The following UTRN variants were observed in gnomAD, a reference collection of about 807,000 sequenced individuals.
UTRN encodes dystrophin-related protein 1.
A neutral mutation model predicts 463.9 loss-of-function variants in UTRN; 283 were observed. That is an observed-to-expected ratio of 0.61 (90% CI 0.55 to 0.67). UTRN has a LOEUF of 0.67. Among genes scored for constraint, UTRN ranks in the 30% least tolerant of loss-of-function variants. The pLI, the probability that UTRN is intolerant of heterozygous loss-of-function variation, is 0.00. For missense variants in UTRN, 3,922 were observed against 4,084.3 expected, an observed-to-expected ratio of 0.96 and a Z score of 1.08; for synonymous variants, 1,442 against 1,431.5, an observed-to-expected ratio of 1.01 and a Z score of -0.17.
chr6:144,750,249 CTCT>C (rs1330024306), intron 55 of UTRN, among the ~76,000 whole-genome samples: 3 of 149,494 alleles, frequency 2.0e-5, no homozygotes, highest in Admixed American at 6.7e-5. Flanking sequence ...CATACAACTG[CTCT>C]TCTTATTTAA....
intron 51 of UTRN, among the ~76,000 whole-genome samples, chr6:144,621,519 C>T (rs1341815876): frequency 6.6e-6 from 1 of 152,122 alleles, no homozygotes; most frequent in East Asian, 1.9e-4. Flanking sequence ...GCTCCCATAG[C>T]ACTTATCTCG....
At chr6:144,298,753 T>C (rs546776895) in intron 2 of UTRN, among the ~76,000 whole-genome samples, 3 of 152,294 alleles carry the variant, frequency 2.0e-5, no homozygotes, top group Admixed American at 2.0e-4. Context: ...ACAAAATCTT[T>C]TTTCAAAGTG....
intron 2 of UTRN, among the ~76,000 whole-genome samples, chr6:144,400,807 C>CTT (rs1235792299): frequency 1.3e-5 from 2 of 152,080 alleles, no homozygotes; most frequent in African/African-American, 2.4e-5. Context: ...GTTACTTAGA[C>CTT]TTATATTCTG....
chr6:144,481,363 T>C (rs567591301), intron 26 of UTRN, among the ~76,000 whole-genome samples: 1 of 152,360 alleles, frequency 6.6e-6, no homozygotes, highest in African/African-American at 2.4e-5. Flanking sequence ...AGATTGTTTA[T>C]CTTAGCACTG....
intron 58 of UTRN, among the ~76,000 whole-genome samples, chr6:144,763,769 A>G (rs1226759503): frequency 6.6e-6 from 1 of 152,254 alleles, no homozygotes; most frequent in Admixed American, 6.5e-5. Flanking sequence ...TTTTATCATT[A>G]ACGGTTATAG....
At chr6:144,310,645 G>A (rs1026866565) in intron 2 of UTRN, among the ~76,000 whole-genome samples, 25 of 151,906 alleles carry the variant, frequency 1.6e-4, no homozygotes, top group Non-Finnish European at 2.1e-4. Context: ...GGGGGGTGGG[G>A]GGCGTGCCTG....
chr6:144,293,203 G>A (rs1334562093), intron 2 of UTRN, among the ~76,000 whole-genome samples: 1 of 152,056 alleles, frequency 6.6e-6, no homozygotes, highest in African/African-American at 2.4e-5. Context: ...TATAACAGAG[G>A]AAAATGGAAG....
chr6:144,350,186 C>A (rs1162170367), intron 2 of UTRN, among the ~76,000 whole-genome samples: 1 of 151,612 alleles, frequency 6.6e-6, no homozygotes, highest in Non-Finnish European at 1.5e-5. Context: ...ACGTTTTTGA[C>A]TCCAAATTTA....
At chr6:144,662,115 A>G (rs1054187203) in intron 51 of UTRN, among the ~76,000 whole-genome samples, 1 of 152,164 alleles carries the variant, frequency 6.6e-6, no homozygotes, top group African/African-American at 2.4e-5. Context: ...TGTGTTAGGC[A>G]GTTTTATAAA....
intron 72 of UTRN, 23 bp from the exon 73 acceptor site, chr6:144,840,717 G>A (rs756904171): frequency 6.2e-7 from 1 of 1,612,892 alleles, no homozygotes; most frequent in African/African-American, 1.3e-5. Context: ...AAGCTTTGTT[G>A]TTCTCTTTAT....
intron 50 of UTRN, 41 bp from the exon 51 acceptor site, chr6:144,577,058 C>A: frequency 1.3e-6 from 2 of 1,589,714 alleles, no homozygotes; most frequent in East Asian, 4.5e-5. Flanking sequence ...TGTCACAACA[C>A]TGTAAGTAAT....
Position 144,301,536 on chromosome 6 carries a change from CTTTTTT to C in UTRN, c.79+9649_79+9654del, listed in dbSNP as rs200484231. Among the ~76,000 whole-genome samples, 1,145 of 92,778 alleles carry C rather than the reference CTTTTTT, an allele frequency of 0.012. 75 individuals carry two copies. The East Asian group carries it at 0.21, about 17-fold the overall frequency. The allele number at this position is 92,778 out of a possible 152,430, so 60.9% of individuals were successfully genotyped here. On this transcript the variant is annotated intron_variant, in intron 2 of 74. Coordinates refer to ENST00000367545, the MANE Select transcript of UTRN (RefSeq NM_007124.3). ...CATGCCATCCTATCTTTCTTTCTTT[CTTTTTT>C]TTTTTTTTTTTTTTTTTTTGAGACA...
chr6:144,368,750 G>A (rs1451868116), intron 2 of UTRN, among the ~76,000 whole-genome samples: 2 of 151,796 alleles, frequency 1.3e-5, no homozygotes, highest in African/African-American at 4.8e-5. Flanking sequence ...CTCCAGCCTG[G>A]GCAACTCCGT....
intron 13 of UTRN, among the ~76,000 whole-genome samples, chr6:144,440,770 A>T (rs1157497826): frequency 6.6e-6 from 1 of 152,164 alleles, no homozygotes; most frequent in Non-Finnish European, 1.5e-5. Flanking sequence ...CACACTGCTG[A>T]TAAAGACATA....
chr6:144,677,647 G>A (rs1298360753), intron 51 of UTRN, among the ~76,000 whole-genome samples: 1 of 152,108 alleles, frequency 6.6e-6, no homozygotes, highest in African/African-American at 2.4e-5. Context: ...GGGATTCTGG[G>A]TCAAATGGTA....
At chr6:144,710,124 A>G (rs751393715) in intron 53 of UTRN, among the ~76,000 whole-genome samples, 3 of 152,238 alleles carry the variant, frequency 2.0e-5, no homozygotes, top group Non-Finnish European at 4.4e-5. Context: ...CAGAGGGAAT[A>G]CTTTACATTT....
rs1782506683 is a variant in UTRN, at chr6:144,851,910, A to G, written c.*913A>G. ...TTGACACAGAAACAAAATTTAGTAC[A>G]ACCTTTCCTAGTTCCCATGTCTTGA... On this transcript the variant is annotated 3_prime_UTR_variant, in exon 75 of 75. Transcript: ENST00000367545. The G allele has an allele frequency of 6.6e-6, 1 of 152,182 alleles. No individual in the cohort carries two copies. The highest frequency in any genetic ancestry group is 1.5e-5 in the Non-Finnish European group (1 of 68,010). 9.4% of individuals were successfully genotyped at this position (152,182 alleles called of 1,614,324 possible).
chr6:144,533,682 A>G (rs1797274253), intron 43 of UTRN, among the ~76,000 whole-genome samples: 2 of 151,660 alleles, frequency 1.3e-5, no homozygotes, highest in African/African-American at 4.8e-5. Flanking sequence ...GTTGTGTTCT[A>G]TTCATGCTTT....
chr6:144,768,529 G>A (rs4571589), intron 58 of UTRN, among the ~76,000 whole-genome samples: 73,593 of 151,908 alleles, frequency 0.48, 23,140 homozygotes, highest in East Asian at 0.87. Context: ...TTAACTCATA[G>A]TAAGGGAACC....
Sources: gnomAD v4.1 joint callset for allele counts (sites outside exome capture counted in the v4.1 genomes callset) on GRCh38, gnomAD v4.1.1 for gene constraint, MANE v1.5 for transcripts, NCBI Gene and HGNC (gene_info 2026-07-23, HGNC 2026-07-21) for gene names.